Variants in KIR3DL2 observed in about 807,000 individuals in gnomAD.
KIR3DL2 encodes killer cell immunoglobulin-like receptor 3DL2.
In KIR3DL2, 42 loss-of-function variants were observed where a neutral mutation model predicts 41.6. The ratio of observed to expected loss-of-function variants is 1.01; its 90% CI spans 0.79 to 1.31. The LOEUF is 1.31. Ranked by LOEUF, KIR3DL2 falls within the 50% of genes most tolerant of loss-of-function variation. The pLI is 0.00. For synonymous variants in KIR3DL2, 230 were observed against 221.3 expected (o/e 1.04, Z -0.35); for missense variants, 728 against 576.8 (o/e 1.26, Z -2.68).
chr19:54,854,971 A>G (rs1170338163), intron 4 of KIR3DL2, among the ~76,000 whole-genome samples: 4 of 151,664 alleles, frequency 2.6e-5, no homozygotes, highest in Non-Finnish European at 4.4e-5. Context: ...TAGATAGATG[A>G]TAAATAGGTA....
At chr19:54,859,175 G>A (rs2065002065) in intron 6 of KIR3DL2, 46 bp downstream of exon 6, 7 of 1,557,448 alleles carry the variant, frequency 4.5e-6, no homozygotes, top group Non-Finnish European at 6.2e-6. Flanking sequence ...AACCTGGGGA[G>A]GTGGAAGCCT....
intron 6 of KIR3DL2, among the ~76,000 whole-genome samples, chr19:54,861,839 A>G (rs2145698996): frequency 6.6e-6 from 1 of 151,820 alleles, no homozygotes; most frequent in South Asian, 2.1e-4. Context: ...GGAAAATATG[A>G]AAGCCCCCTG....
chr19:54,863,612 G>A (rs1350497059), intron 6 of KIR3DL2, among the ~76,000 whole-genome samples: 1 of 152,060 alleles, frequency 6.6e-6, no homozygotes, highest in Non-Finnish European at 1.5e-5. Context: ...GCCAGTCATG[G>A]TGAGCATTTT....
chr19:54,860,772 G>C (rs1161130434), intron 6 of KIR3DL2, among the ~76,000 whole-genome samples: 14 of 136,394 alleles, frequency 1.0e-4, no homozygotes, highest in Non-Finnish European at 2.3e-4. Flanking sequence ...TGAAAAACAC[G>C]GATTGAACCC....
chr19:54,866,001 G>T, intron 7 of KIR3DL2, 92 bp downstream of exon 7: 1 of 1,217,870 alleles, frequency 8.2e-7, no homozygotes, highest in East Asian at 2.5e-5. Context: ...CTGGCAGGAT[G>T]GTCCCTGGCC....
intron 6 of KIR3DL2, among the ~76,000 whole-genome samples, chr19:54,861,424 T>A (rs2065173628): frequency 6.6e-6 from 1 of 152,036 alleles, no homozygotes; most frequent in South Asian, 2.1e-4. Flanking sequence ...CGCGGGTGGA[T>A]CACATGAAGT....
rs575943825 is a variant in KIR3DL2 at position 54,864,302 on chromosome 19, CT to C, written c.1001-1500del. Among the ~76,000 whole-genome samples, 10 of 152,224 alleles carry C rather than the reference CT, an allele frequency of 6.6e-5. No homozygotes were observed. In the South Asian group the frequency reaches 2.1e-3, roughly 32 times the overall value. ...AAGTCAGGCAGCATGATGCCTCCAG[CT>C]TTGTTCTTTTGGCTTAGGATTGACT... On this transcript the variant is annotated intron_variant, in intron 6 of 8. Coordinates refer to ENST00000326321, the MANE Select transcript of KIR3DL2 (RefSeq NM_006737.4).
chr19:54,862,595 A>T (rs570160678), intron 6 of KIR3DL2, among the ~76,000 whole-genome samples: 1 of 152,140 alleles, frequency 6.6e-6, no homozygotes, highest in South Asian at 2.1e-4. Flanking sequence ...TTTGCAGTGT[A>T]TCTGGGGGAA....
Position 54,866,752 on chromosome 19 carries a change from A to C in KIR3DL2, c.*21A>C. The C allele has an allele frequency of 6.2e-7, 1 of 1,611,492 alleles. No individual in the cohort carries two copies. The highest frequency in any genetic ancestry group is 1.1e-5 in the South Asian group (1 of 90,944). On this transcript the variant is annotated 3_prime_UTR_variant, in exon 9 of 9. Transcript: ENST00000326321. ...TCTAGGGAGACAACAGCCCTGTCTC[A>C]AAACCAGGTTGCCAGATCCAATGAA...
chr19:54,857,359 G>C (rs1017742028), intron 5 of KIR3DL2, among the ~76,000 whole-genome samples: 2 of 151,450 alleles, frequency 1.3e-5, no homozygotes, highest in South Asian at 4.2e-4. Flanking sequence ...CCAAAGTGCT[G>C]AAGTTACAGG....
chr19:54,853,662 G>T, intron 3 of KIR3DL2, 85 bp from the exon 4 acceptor site: 1 of 1,491,808 alleles, frequency 6.7e-7, no homozygotes, highest in Non-Finnish European at 9.2e-7. Flanking sequence ...ACAGACCTCT[G>T]GGAGGGGAAC....
In KIR3DL2 at chr19:54,851,388, C is replaced by T. The variant is rs1459888167; in HGVS notation, c.70+133C>T. The T allele has an allele frequency of 1.4e-5, 13 of 950,890 alleles. No homozygotes were observed. The African/African-American group carries it at 2.1e-4, about 15-fold the overall frequency. The allele number at this position is 950,890 out of a possible 1,614,324, so 58.9% of individuals were successfully genotyped here. ...ACCCTTGGATACTCGGCCCACATTTCTGACCTCGCCCTCCCTGGCCTTTCT... is the reference window on the plus strand; with the variant it reads ...ACCCTTGGATACTCGGCCCACATTTTTGACCTCGCCCTCCCTGGCCTTTCT... On this transcript the variant is annotated intron_variant, in intron 2 of 8. Transcript: ENST00000326321.
At chr19:54,864,313 T>G (rs1344766569) in intron 6 of KIR3DL2, among the ~76,000 whole-genome samples, 1 of 152,156 alleles carries the variant, frequency 6.6e-6, no homozygotes, top group Non-Finnish European at 1.5e-5. Flanking sequence ...TTTGTTCTTT[T>G]GGCTTAGGAT....
intron 6 of KIR3DL2, among the ~76,000 whole-genome samples, chr19:54,865,265 A>G (rs2145730989): frequency 6.6e-6 from 1 of 152,170 alleles, no homozygotes; most frequent in Non-Finnish European, 1.5e-5. Flanking sequence ...TACTGGAAGC[A>G]TGGCACCAGC....
chr19:54,853,439 T>G lies in KIR3DL2; in HGVS notation c.356-308T>G, dbSNP rs113100666. Among the ~76,000 whole-genome samples, 643 of 151,890 alleles carry G rather than the reference T, an allele frequency of 4.2e-3. 20 individuals carry two copies. The highest frequency in any genetic ancestry group is 0.015 in the African/African-American group (614 of 41,214). On this transcript the variant is annotated intron_variant, in intron 3 of 8. Coordinates refer to ENST00000326321, the MANE Select transcript of KIR3DL2 (RefSeq NM_006737.4). ...CTGCTGAGAGCCTGGACATGCAGCC[T>G]GTCCTCTTCCACCCCCACATAGACA...
intron 5 of KIR3DL2, among the ~76,000 whole-genome samples, chr19:54,856,888 A>G (rs2064823220): frequency 6.6e-6 from 1 of 152,140 alleles, no homozygotes; most frequent in African/African-American, 2.4e-5. Context: ...TCTATGGATG[A>G]GTAGTCTCCA....
chr19:54,853,780 C>T lies in KIR3DL2; in HGVS notation c.389C>T (p.Pro130Leu). ...NHRKPSLLAHPGPLLKSGETV... is the reference protein window; with the variant it reads ...NHRKPSLLAHLGPLLKSGETV... ...AGAAAACCTTCCCTCCTGGCCCACC[C>T]AGGGCCCCTGCTGAAATCAGGAGAG... is the stretch of plus-strand genomic sequence containing the variant. The change falls in exon 4 of 9, where the codon CCA (proline) becomes CTA (leucine). Residue 130 changes from proline (P) to leucine (L), a missense_variant. Pro to Leu is a moderately conservative substitution (Grantham distance 98, BLOSUM62 -3). Transcript: ENST00000326321. 2 of 1,611,512 alleles carry T rather than the reference C, an allele frequency of 1.2e-6. No homozygotes were observed. The highest frequency in any genetic ancestry group is 3.3e-5 in the Admixed American group (2 of 59,956).
chr19:54,858,876 G>A (rs2064981502), intron 5 of KIR3DL2, among the ~76,000 whole-genome samples: 1 of 151,910 alleles, frequency 6.6e-6, no homozygotes, highest in African/African-American at 2.4e-5. Flanking sequence ...GTCAGGTAGT[G>A]TGATGCTCCT....
chr19:54,851,278 G>A (rs1322965348), intron 2 of KIR3DL2, 23 bp downstream of exon 2: 2 of 1,602,300 alleles, frequency 1.2e-6, no homozygotes, highest in African/African-American at 1.4e-5. Flanking sequence ...CCAAACCTTA[G>A]GGTGTCATCT....
Sources: allele counts gnomAD v4.1 joint callset (sites outside exome capture counted in the v4.1 genomes callset), GRCh38; gene constraint gnomAD v4.1.1; transcripts MANE v1.5; gene names NCBI Gene and HGNC (gene_info 2026-07-23, HGNC 2026-07-21).